Variants in PNPT1 observed in about 807,000 individuals in gnomAD.
PNPT1 encodes the protein polyribonucleotide nucleotidyltransferase 1, also known as polyribonucleotide nucleotidyltransferase 1, mitochondrial.
Under a neutral mutation model 119.5 loss-of-function variants are expected in PNPT1, and 53 were observed. The ratio of observed to expected loss-of-function variants is 0.44; its 90% CI spans 0.36 to 0.56. PNPT1 has a LOEUF of 0.56. PNPT1 is among the 20% of genes least tolerant of loss of function. PNPT1 has a pLI of 0.00. For missense variants in PNPT1, 948 were observed against 938.5 expected (o/e 1.01, Z -0.13); for synonymous variants, 357 against 322.1 (o/e 1.11, Z -1.16).
Position 55,684,964 on chromosome 2 carries a change from T to C in PNPT1, c.382A>G (p.Ile128Val). 1 of 1,586,906 alleles carries C rather than the reference T, an allele frequency of 6.3e-7. No individual in the cohort carries two copies. The highest frequency in any genetic ancestry group is 1.7e-4 in the Middle Eastern group (1 of 5,938). The change falls in exon 4 of 28, where the codon ATT becomes GTT. Residue 128 changes from isoleucine (I) to valine (V), a missense_variant. Ile to Val is a conservative substitution (Grantham distance 29, BLOSUM62 3). Transcript: ENST00000447944. ...RREIGTSDKE[I>V]LTSRIIDRSI... is the part of the protein sequence containing the mutation. ...TTACCTATTATTCGACTTGTTAGAA[T>C]TTCTTTATCAGAAGTACCAATCTCT...
At chr2:55,671,004 C>T (rs1559103878) in intron 11 of PNPT1, among the ~76,000 whole-genome samples, 1 of 151,668 alleles carries the variant, frequency 6.6e-6, no homozygotes, top group East Asian at 1.9e-4. Flanking sequence ...TCTTTTAATG[C>T]TTTTAAAATT....
intron 1 of PNPT1, among the ~76,000 whole-genome samples, chr2:55,691,873 TATATA>T (rs1198399220): frequency 0.019 from 281 of 15,110 alleles, 2 homozygotes; most frequent in African/African-American, 0.035. Context: ...TATATATATA[TATATA>T]TTTTTTTTTT....
intron 1 of PNPT1, among the ~76,000 whole-genome samples, chr2:55,692,521 T>C (rs1434556306): frequency 6.6e-6 from 1 of 152,184 alleles, no homozygotes; most frequent in Middle Eastern, 3.2e-3. Context: ...AAACTTTTTT[T>C]TTAAAAAGCG....
chr2:55,648,506 CTT>C (rs1354768659), intron 18 of PNPT1, among the ~76,000 whole-genome samples: 2 of 151,916 alleles, frequency 1.3e-5, no homozygotes, highest in African/African-American at 4.8e-5. Flanking sequence ...CTTGTCAAAT[CTT>C]TTGATTTTTC....
chr2:55,683,714 GA>G (rs1418712975), intron 5 of PNPT1, 70 bp downstream of exon 5: 4 of 1,356,472 alleles, frequency 2.9e-6, no homozygotes, highest in Non-Finnish European at 2.1e-6. Flanking sequence ...TTTACTCTAG[GA>G]AATATTACAG....
chr2:55,680,667 A>C, intron 7 of PNPT1, 45 bp downstream of exon 7: 1 of 1,566,988 alleles, frequency 6.4e-7, no homozygotes, highest in Non-Finnish European at 8.7e-7. Flanking sequence ...ACTTACTGAA[A>C]AAAAAAATAC....
intron 1 of PNPT1, among the ~76,000 whole-genome samples, chr2:55,690,102 A>G (rs916850656): frequency 6.6e-6 from 1 of 152,208 alleles, no homozygotes; most frequent in Admixed American, 6.5e-5. Flanking sequence ...GATTACAAAT[A>G]TAAGCCACTG....
Position 55,666,996 on chromosome 2 carries a change from T to C in PNPT1, c.1171A>G (p.Thr391Ala), listed in dbSNP as rs1244275589. 2 of 1,576,908 alleles carry C rather than the reference T, an allele frequency of 1.3e-6. No individual in the cohort carries two copies. The highest frequency in any genetic ancestry group is 2.3e-5 in the East Asian group (1 of 44,414). The change falls in exon 13 of 28, where the codon ACA (threonine) becomes GCA (alanine). Residue 391 changes from threonine to alanine, a missense_variant. Coordinates refer to ENST00000447944, the MANE Select transcript of PNPT1 (RefSeq NM_033109.5). Reference protein sequence around the residue: ...HGSALFQRGQTQVLCTVTFDS... With the variant: ...HGSALFQRGQAQVLCTVTFDS... ...GAGCTTTTTATATAAATTACCTGTG[T>C]TTGTCCTCTTTGAAATAATGCTGAT...
At chr2:55,655,009 G>A (rs989057112) in intron 17 of PNPT1, 56 bp from the exon 18 acceptor site, 21 of 1,429,706 alleles carry the variant, frequency 1.5e-5, no homozygotes, top group African/African-American at 2.8e-5. Flanking sequence ...ATGTAGAAAA[G>A]TGTTACTATT....
At chr2:55,688,034 C>T (rs2104185459) in intron 1 of PNPT1, among the ~76,000 whole-genome samples, 1 of 150,322 alleles carries the variant, frequency 6.7e-6, no homozygotes, top group South Asian at 2.1e-4. Context: ...TGCCTTGTAT[C>T]TTCTTTTTCT....
chr2:55,647,517 T>C (rs1394170798), intron 18 of PNPT1, 64 bp from the exon 19 acceptor site: 2 of 1,285,980 alleles, frequency 1.6e-6, no homozygotes, highest in African/African-American at 3.0e-5. Flanking sequence ...AATATTTATC[T>C]ATCAATTTTT....
intron 26 of PNPT1, among the ~76,000 whole-genome samples, chr2:55,639,377 C>T (rs1369019396): frequency 6.6e-6 from 1 of 152,164 alleles, no homozygotes; most frequent in African/African-American, 2.4e-5. Flanking sequence ...ATGTCTAGGT[C>T]CATAGACATT....
intron 12 of PNPT1, among the ~76,000 whole-genome samples, 189 bp downstream of exon 12, chr2:55,667,673 C>T (rs1416202718): frequency 1.3e-5 from 2 of 151,992 alleles, no homozygotes; most frequent in African/African-American, 4.8e-5. Context: ...GCTTTATACA[C>T]CAGGCCCAAG....
intron 1 of PNPT1, among the ~76,000 whole-genome samples, chr2:55,691,938 G>A (rs186005921): frequency 1.4e-5 from 2 of 137,938 alleles, no homozygotes; most frequent in East Asian, 4.8e-4. Flanking sequence ...CCAGGCTGGA[G>A]TGCAATGGCA....
At chr2:55,649,197 G>C (rs1696095054) in intron 18 of PNPT1, among the ~76,000 whole-genome samples, 3 of 152,058 alleles carry the variant, frequency 2.0e-5, no homozygotes, top group Admixed American at 2.0e-4. Context: ...CCAACGCTTT[G>C]GCAGGCCAAG....
rs1696009060 is a variant in PNPT1, at chr2:55,646,493, G to T, written c.1603-7C>A. 2 of 1,599,096 alleles carry T rather than the reference G, an allele frequency of 1.3e-6. No homozygotes were observed. The highest frequency in any genetic ancestry group is 2.2e-5 in the East Asian group (1 of 44,708). On this transcript the variant is annotated splice_region_variant and splice_polypyrimidine_tract_variant and intron_variant, in intron 19 of 27. Transcript: ENST00000447944. ...CATTGTAATCTTCAATTCCCTTCAG[G>T]AATTTAAAAAGTTATGACATAGTTT...
intron 18 of PNPT1, among the ~76,000 whole-genome samples, chr2:55,653,937 A>C (rs1037529278): frequency 6.6e-6 from 1 of 152,196 alleles, no homozygotes; most frequent in Middle Eastern, 3.4e-3. Context: ...AGCAGCATTC[A>C]TGACAGTTTG....
chr2:55,638,053 G>C (rs1695727631), intron 26 of PNPT1, among the ~76,000 whole-genome samples: 1 of 150,114 alleles, frequency 6.7e-6, no homozygotes, highest in Non-Finnish European at 1.5e-5. Context: ...TGTAATCCCA[G>C]AACTTTGGGA....
At chr2:55,651,679 T>C (rs894923266) in intron 18 of PNPT1, among the ~76,000 whole-genome samples, 8 of 150,458 alleles carry the variant, frequency 5.3e-5, no homozygotes, top group Non-Finnish European at 1.0e-4. Flanking sequence ...CCAGAGACCT[T>C]TGTTCACTTG....
Sources: allele counts gnomAD v4.1 joint callset (sites outside exome capture counted in the v4.1 genomes callset), GRCh38; gene constraint gnomAD v4.1.1; transcripts MANE v1.5; gene names NCBI Gene and HGNC (gene_info 2026-07-23, HGNC 2026-07-21).